Variants in GMDS observed in about 807,000 individuals in gnomAD.
GMDS encodes the protein GDP-mannose 4,6 dehydratase.
In GMDS, 20 loss-of-function variants were observed where a neutral mutation model predicts 49.9. That is an observed-to-expected ratio of 0.40 (90% CI 0.28 to 0.58). The LOEUF (loss-of-function observed/expected upper bound fraction) is 0.58. Ranked by LOEUF, GMDS falls within the 20% of genes least tolerant of loss-of-function variation. The pLI is 0.42. For synonymous variants in GMDS, 177 were observed against 178.6 expected, an observed-to-expected ratio of 0.99 and a Z score of 0.07; for missense variants, 362 against 481.4, an observed-to-expected ratio of 0.75 and a Z score of 2.32.
chr6:1,656,036 A>T (rs779897349), intron 9 of GMDS, among the ~76,000 whole-genome samples: 1 of 152,190 alleles, frequency 6.6e-6, no homozygotes, highest in Non-Finnish European at 1.5e-5. Context: ...TCACACAGAG[A>T]GTGCGTGGTG....
chr6:1,825,781 G>C (rs1238852734), intron 7 of GMDS, among the ~76,000 whole-genome samples: 1 of 152,250 alleles, frequency 6.6e-6, no homozygotes, highest in Non-Finnish European at 1.5e-5. Context: ...GGCCAAGGCA[G>C]GCAGATCACT....
rs1581821242 is a variant in GMDS, at chr6:2,223,652, G to T, written c.102+21669C>A. Among the ~76,000 whole-genome samples, 3 of 152,160 alleles carry T rather than the reference G, an allele frequency of 2.0e-5. No homozygotes were observed. The East Asian group carries it at 5.8e-4, about 29-fold the overall frequency. ...ATGAGGAGTGAGGGGAAAGGAGGACGATAGGATGACTCCAAGATTTCTGAC... is the reference window on the plus strand; with the variant it reads ...ATGAGGAGTGAGGGGAAAGGAGGACTATAGGATGACTCCAAGATTTCTGAC... On this transcript the variant is annotated intron_variant, in intron 1 of 10. Coordinates refer to ENST00000380815, the MANE Select transcript of GMDS (RefSeq NM_001500.4).
At chr6:1,645,230 A>G (rs1388885794) in intron 9 of GMDS, among the ~76,000 whole-genome samples, 4 of 152,140 alleles carry the variant, frequency 2.6e-5, no homozygotes, top group African/African-American at 4.8e-5. Context: ...CACCGCGCCC[A>G]GCCTGCTTGA....
chr6:2,230,662 T>C (rs1197201259), intron 1 of GMDS, among the ~76,000 whole-genome samples: 1 of 152,084 alleles, frequency 6.6e-6, no homozygotes, highest in Non-Finnish European at 1.5e-5. Context: ...TTAAATAATT[T>C]GAACTTACTA....
intron 7 of GMDS, among the ~76,000 whole-genome samples, chr6:1,781,373 G>A (rs1037652571): frequency 3.3e-5 from 5 of 152,188 alleles, no homozygotes; most frequent in African/African-American, 7.2e-5. Flanking sequence ...CTGGGCTCTC[G>A]CTGCTTACTC....
chr6:1,778,938 G>A lies in GMDS; in HGVS notation c.772-36352C>T, dbSNP rs114441599. On this transcript the variant is annotated intron_variant, in intron 7 of 10. Coordinates refer to ENST00000380815, the MANE Select transcript of GMDS (RefSeq NM_001500.4). The surrounding 1 kb of genome is among the most constrained non-coding windows in gnomAD (Gnocchi z 4.6). ...CTCCTGGTTCAGGTTTCTTATTGCC[G>A]TGTCTGGCCCTTCAAAGGCCTACCC... 5.3e-3 allele frequency among the ~76,000 whole-genome samples: 802 copies of A among 152,030 alleles called. 6 individuals are homozygous for A. Among genetic ancestry groups the A allele is most frequent in the South Asian group, 0.027 (129 of 4,810 alleles).
At position 2,116,378 on chromosome 6, in the gene GMDS, G is replaced by C. The variant is rs73716953; in HGVS notation, c.236-498C>G. Among the ~76,000 whole-genome samples the C allele has an allele frequency of 7.1e-3, 1,078 of 152,258 alleles. 20 individuals carry two copies. Among genetic ancestry groups the C allele is most frequent in the African/African-American group, 0.025 (1,038 of 41,542 alleles). On this transcript the variant is annotated intron_variant, in intron 3 of 10. Coordinates refer to ENST00000380815, the MANE Select transcript of GMDS (RefSeq NM_001500.4). ...GAATGCCCGATGTGGTGACATAATT[G>C]ATTGAAGGACAACTCCTAAATCTAA...
At chr6:2,129,207 T>C (rs1230812092) in intron 1 of GMDS, among the ~76,000 whole-genome samples, 1 of 152,136 alleles carries the variant, frequency 6.6e-6, no homozygotes, top group East Asian at 1.9e-4. Context: ...AGAAAGTTTC[T>C]GTGTTTCTCA....
intron 4 of GMDS, among the ~76,000 whole-genome samples, chr6:2,004,531 T>C (rs1390003179): frequency 6.6e-6 from 1 of 152,180 alleles, no homozygotes; most frequent in African/African-American, 2.4e-5. Flanking sequence ...ATACCAGATA[T>C]TATACCAGGG....
chr6:2,229,011 A>G (rs542230161), intron 1 of GMDS, among the ~76,000 whole-genome samples: 1 of 152,312 alleles, frequency 6.6e-6, no homozygotes, highest in Admixed American at 6.5e-5. Context: ...GGAAGAAGAC[A>G]GGAAAAGCAA....
chr6:1,676,575 C>A (rs751544525), intron 9 of GMDS, among the ~76,000 whole-genome samples: 1 of 152,080 alleles, frequency 6.6e-6, no homozygotes, highest in East Asian at 1.9e-4. Flanking sequence ...CTACTGGTAC[C>A]AAAACAGAGA....
intron 7 of GMDS, among the ~76,000 whole-genome samples, chr6:1,860,301 GACT>G (rs1362363041): frequency 6.6e-6 from 1 of 152,178 alleles, no homozygotes; most frequent in African/African-American, 2.4e-5. Context: ...AAAAGGAATG[GACT>G]ACTGATATAC....
intron 4 of GMDS, among the ~76,000 whole-genome samples, chr6:2,040,093 C>A (rs1769575970): frequency 6.6e-6 from 1 of 152,188 alleles, no homozygotes; most frequent in Non-Finnish European, 1.5e-5. Flanking sequence ...CCTTCATTGA[C>A]CAAAATGCGG....
intron 9 of GMDS, among the ~76,000 whole-genome samples, chr6:1,720,660 C>G (rs1391081534): frequency 6.6e-6 from 1 of 152,194 alleles, no homozygotes; most frequent in Non-Finnish European, 1.5e-5. Flanking sequence ...AGTCTCGCCT[C>G]TCTTTCTATA....
intron 7 of GMDS, among the ~76,000 whole-genome samples, chr6:1,743,500 G>A (rs979257237): frequency 1.3e-4 from 18 of 139,758 alleles, no homozygotes; most frequent in South Asian, 2.5e-4. Context: ...CCGAGATCGC[G>A]CCACTGCACT....
At chr6:1,851,556 A>C (rs1444465647) in intron 7 of GMDS, among the ~76,000 whole-genome samples, 2 of 152,146 alleles carry the variant, frequency 1.3e-5, no homozygotes, top group African/African-American at 4.8e-5. Context: ...AGCAGACCCC[A>C]TACTGGACAG....
At chr6:1,854,791 TACCTCAAA>T (rs1316438599) in intron 7 of GMDS, among the ~76,000 whole-genome samples, 4 of 152,230 alleles carry the variant, frequency 2.6e-5, no homozygotes, top group African/African-American at 9.6e-5. Context: ...GGAGAGGAGA[TACCTCAAA>T]ATCTCAAATT....
chr6:2,216,426 G>A (rs955746761), intron 1 of GMDS, among the ~76,000 whole-genome samples: 1 of 152,214 alleles, frequency 6.6e-6, no homozygotes, highest in Non-Finnish European at 1.5e-5. Context: ...ACCTTAATCA[G>A]AGTAACAGGC....
At chr6:2,161,167 G>A (rs1020392835) in intron 1 of GMDS, among the ~76,000 whole-genome samples, 4 of 151,620 alleles carry the variant, frequency 2.6e-5, no homozygotes, top group South Asian at 2.1e-4. Flanking sequence ...ACACCATCAC[G>A]CCCAGCTAAT....
Sources: allele counts gnomAD v4.1 joint callset (sites outside exome capture counted in the v4.1 genomes callset), GRCh38; gene constraint gnomAD v4.1.1; non-coding constraint Gnocchi (gnomAD v3.1); transcripts MANE v1.5; gene names NCBI Gene and HGNC (gene_info 2026-07-23, HGNC 2026-07-21).